Variants in KIF26B observed in about 807,000 individuals in gnomAD.
KIF26B encodes the protein kinesin-like protein KIF26B.
A neutral mutation model predicts 151.2 loss-of-function variants in KIF26B; 63 were observed. The ratio of observed to expected loss-of-function variants is 0.42; its 90% CI spans 0.34 to 0.51. KIF26B has a LOEUF of 0.51. Among genes scored for constraint, KIF26B ranks in the 20% least tolerant of loss-of-function variants. The pLI, the probability that KIF26B is intolerant of heterozygous loss-of-function variation, is 0.07. For missense variants in KIF26B, 2,813 were observed against 2,913.6 expected (o/e 0.97, Z 0.79); for synonymous variants, 1,357 against 1,262.1 (o/e 1.08, Z -1.59).
rs777850322 is a variant in KIF26B at position 245,545,043 on chromosome 1, G to GCA, written c.1350+4102_1350+4103dup. Among the ~76,000 whole-genome samples the GCA allele has an allele frequency of 2.2e-4, 34 of 151,888 alleles. 1 individual carries two copies. Among genetic ancestry groups the GCA allele is most frequent in the Non-Finnish European group, 4.4e-4 (30 of 67,996 alleles). Reference sequence around the variant, plus strand: ...TTGAGGCATGCACACGCACATGCGCGCACACACACAAACCATCTCAGGATC... The same window carrying GCA: ...TTGAGGCATGCACACGCACATGCGCGCACACACACACAAACCATCTCAGGATC... On this transcript the variant is annotated intron_variant, in intron 5 of 14. Coordinates refer to ENST00000407071, the MANE Select transcript of KIF26B (RefSeq NM_018012.4).
At chr1:245,626,173 T>A (rs2043722114) in intron 9 of KIF26B, among the ~76,000 whole-genome samples, 1 of 152,216 alleles carries the variant, frequency 6.6e-6, no homozygotes, top group Non-Finnish European at 1.5e-5. Flanking sequence ...CTGTTGCGAA[T>A]AGAGCTGTGA....
chr1:245,566,483 T>G (rs1226259312), intron 5 of KIF26B, among the ~76,000 whole-genome samples: 1 of 152,228 alleles, frequency 6.6e-6, no homozygotes, highest in East Asian at 1.9e-4. Flanking sequence ...AAAATATGAA[T>G]GAAAAAATGC....
intron 9 of KIF26B, among the ~76,000 whole-genome samples, chr1:245,633,120 T>G (rs1214090579): frequency 6.7e-6 from 1 of 149,354 alleles, no homozygotes; most frequent in Admixed American, 6.6e-5. Context: ...ACTTTTTATG[T>G]TTTTTGGCTA....
chr1:245,520,816 C>T (rs997670669), intron 4 of KIF26B, among the ~76,000 whole-genome samples: 11 of 152,150 alleles, frequency 7.2e-5, no homozygotes, highest in Non-Finnish European at 1.5e-4. Flanking sequence ...ATGATCAGCC[C>T]GGACCACATG....
At chr1:245,190,568 G>C (rs1300697355) in intron 2 of KIF26B, among the ~76,000 whole-genome samples, 1 of 146,650 alleles carries the variant, frequency 6.8e-6, no homozygotes, top group Admixed American at 6.8e-5. Flanking sequence ...CCTAATTCCT[G>C]TTCCAGTATC....
At chr1:245,204,267 C>A (rs926151878) in intron 2 of KIF26B, among the ~76,000 whole-genome samples, 1 of 152,186 alleles carries the variant, frequency 6.6e-6, no homozygotes, top group Non-Finnish European at 1.5e-5. Flanking sequence ...ATAATTCATA[C>A]AGGAGACTTT....
chr1:245,681,423 A>T (rs1050951010), intron 10 of KIF26B, among the ~76,000 whole-genome samples: 1 of 151,946 alleles, frequency 6.6e-6, no homozygotes, highest in Non-Finnish European at 1.5e-5. Context: ...GTTAGCCAGG[A>T]TGTTCTTGAT....
At chr1:245,464,433 A>G (rs1355149856) in intron 4 of KIF26B, among the ~76,000 whole-genome samples, 15 of 107,964 alleles carry the variant, frequency 1.4e-4, no homozygotes, top group East Asian at 2.8e-4. Context: ...GGGTGTGTGC[A>G]TGTCTGGGTG....
At chr1:245,373,452 A>G (rs1673173565) in intron 3 of KIF26B, among the ~76,000 whole-genome samples, 1 of 152,250 alleles carries the variant, frequency 6.6e-6, no homozygotes, top group Non-Finnish European at 1.5e-5. Context: ...TTGAAAGGAT[A>G]GAAGAGCTTT....
chr1:245,292,561 A>G (rs1045850043), intron 2 of KIF26B, among the ~76,000 whole-genome samples: 1 of 151,870 alleles, frequency 6.6e-6, no homozygotes, highest in Non-Finnish European at 1.5e-5. Flanking sequence ...ATTGGGTACT[A>G]TTTTACCTTT....
intron 4 of KIF26B, among the ~76,000 whole-genome samples, chr1:245,529,436 C>T (rs912863875): frequency 6.6e-6 from 1 of 152,198 alleles, no homozygotes; most frequent in African/African-American, 2.4e-5. Flanking sequence ...CAAAAGCCCC[C>T]AGCAAGGCAT....
intron 4 of KIF26B, among the ~76,000 whole-genome samples, chr1:245,474,068 T>C (rs1436793131): frequency 1.3e-5 from 2 of 151,402 alleles, no homozygotes; most frequent in Non-Finnish European, 3.0e-5. Flanking sequence ...CAATAGATTA[T>C]TGTAAACTGT....
chr1:245,306,908 GTACGTGA>G (rs1318167263), intron 2 of KIF26B, among the ~76,000 whole-genome samples: 1 of 152,112 alleles, frequency 6.6e-6, no homozygotes, highest in Non-Finnish European at 1.5e-5. Context: ...TATCTGATTG[GTACGTGA>G]TACATTTTTA....
chr1:245,320,654 T>G (rs10802211), intron 2 of KIF26B, among the ~76,000 whole-genome samples: 90,872 of 151,936 alleles, frequency 0.6, 27,454 homozygotes, highest in African/African-American at 0.7. Flanking sequence ...ACTGGTTTTT[T>G]TTGTTGTTGT....
Position 245,209,481 on chromosome 1 carries a change from C to T in KIF26B, c.465+52798C>T, listed in dbSNP as rs140900601. 2.0e-3 allele frequency among the ~76,000 whole-genome samples: 302 copies of T among 151,840 alleles called. 3 individuals carry two copies. Among genetic ancestry groups the T allele is most frequent in the African/African-American group, 6.7e-3 (279 of 41,436 alleles). ...TCAAATGGAGAAGAAGAGACAAGTA[C>T]AGAAACACGTGTAGAAGTGGAAAAG... On this transcript the variant is annotated intron_variant, in intron 2 of 14. Transcript: ENST00000407071.
chr1:245,600,235 T>A (rs1026957576), intron 5 of KIF26B, among the ~76,000 whole-genome samples: 1 of 123,610 alleles, frequency 8.1e-6, no homozygotes, highest in Non-Finnish European at 1.8e-5. Context: ...AGACGGGGTT[T>A]CACCGTGTTA....
chr1:245,642,410 C>G (rs1466540579), intron 9 of KIF26B, among the ~76,000 whole-genome samples: 1 of 151,776 alleles, frequency 6.6e-6, no homozygotes, highest in East Asian at 1.9e-4. Flanking sequence ...TCAGGGTCTG[C>G]TATAAGATGG....
chr1:245,399,157 C>T (rs966647233), intron 3 of KIF26B, among the ~76,000 whole-genome samples: 1 of 152,138 alleles, frequency 6.6e-6, no homozygotes, highest in Non-Finnish European at 1.5e-5. Context: ...ATTTCGTTGT[C>T]GTGTCTCTTT....
At chr1:245,628,853 T>C (rs1771509) in intron 9 of KIF26B, among the ~76,000 whole-genome samples, 110,152 of 152,070 alleles carry the variant, frequency 0.72, 39,948 homozygotes, top group East Asian at 0.89. Flanking sequence ...TAGAAAACTA[T>C]ATCATTGGAG....
Sources: allele counts gnomAD v4.1 joint callset (sites outside exome capture counted in the v4.1 genomes callset), GRCh38; gene constraint gnomAD v4.1.1; transcripts MANE v1.5; gene names NCBI Gene and HGNC (gene_info 2026-07-23, HGNC 2026-07-21).